SNX18: variants seen among roughly 807,000 people sequenced by gnomAD.
SNX18 encodes the protein sorting nexin 18, also known as sorting nexin-18.
A neutral mutation model predicts 48.7 loss-of-function variants in SNX18; 35 were observed. That is an observed-to-expected ratio of 0.72 (90% CI 0.55 to 0.95). The LOEUF (loss-of-function observed/expected upper bound fraction) is 0.95. Among genes scored for constraint, SNX18 ranks in the 40% least tolerant of loss-of-function variants. The pLI is 0.00. For missense variants in SNX18, 824 were observed against 871.0 expected, an observed-to-expected ratio of 0.95 and a Z score of 0.68; for synonymous variants, 492 against 384.7, an observed-to-expected ratio of 1.28 and a Z score of -3.26.
chr5:54,564,728 C>T, the SNX18 span, among the ~76,000 whole-genome samples: 1 of 151,736 alleles, frequency 6.6e-6, no homozygotes. Context: ...TGCGGTGGTA[C>T]GTGCCTGTAG....
the SNX18 span, among the ~76,000 whole-genome samples, chr5:54,602,490 G>A: frequency 6.6e-6 from 1 of 152,164 alleles, no homozygotes; most frequent in Non-Finnish European, 1.5e-5. Context: ...GGACGTTAGC[G>A]GTGGCAGAGA....
downstream of SNX18, among the ~76,000 whole-genome samples, chr5:54,547,697 T>C (rs2548644): frequency 0.21 from 32,067 of 152,150 alleles, 3,849 homozygotes; most frequent in East Asian, 0.46. Flanking sequence ...TCCAGTATTG[T>C]TATGAAGAGT....
At chr5:54,536,164 A>T (rs1339448120) in intron 1 of SNX18, among the ~76,000 whole-genome samples, 1 of 152,126 alleles carries the variant, frequency 6.6e-6, no homozygotes, top group African/African-American at 2.4e-5. Context: ...GTTCGGTATC[A>T]CTGTATTGGG....
the SNX18 span, among the ~76,000 whole-genome samples, chr5:54,637,593 C>A: frequency 6.6e-6 from 1 of 152,100 alleles, no homozygotes; most frequent in Non-Finnish European, 1.5e-5. Flanking sequence ...TACTAGGTAA[C>A]AGGTTTCAAC....
the SNX18 span, among the ~76,000 whole-genome samples, chr5:54,597,667 A>C: frequency 6.6e-6 from 1 of 152,242 alleles, no homozygotes; most frequent in Non-Finnish European, 1.5e-5. Context: ...ATTAAGGTGG[A>C]AATTAAGAAG....
At chr5:54,597,525 T>C in the SNX18 span, among the ~76,000 whole-genome samples, 1 of 152,008 alleles carries the variant, frequency 6.6e-6, no homozygotes, top group African/African-American at 2.4e-5. Context: ...TGCAAAAGAC[T>C]GAAACCATAA....
At chr5:54,539,928 A>G (rs1356424457) in intron 1 of SNX18, among the ~76,000 whole-genome samples, 1 of 151,632 alleles carries the variant, frequency 6.6e-6, no homozygotes, top group Non-Finnish European at 1.5e-5. Flanking sequence ...CTGGAGTGCA[A>G]TGGTGCGATT....
the SNX18 span, among the ~76,000 whole-genome samples, chr5:54,625,932 A>C: frequency 5.3e-5 from 8 of 152,182 alleles, no homozygotes; most frequent in African/African-American, 1.9e-4. Flanking sequence ...AGCACCTTGA[A>C]AATAAGAGCA....
At chr5:54,521,735 C>A (rs755713408) in intron 1 of SNX18, among the ~76,000 whole-genome samples, 1 of 152,032 alleles carries the variant, frequency 6.6e-6, no homozygotes, top group Non-Finnish European at 1.5e-5. Context: ...TTATTTACTT[C>A]TTTATTTATT....
At position 54,518,564 on chromosome 5, in the gene SNX18, T is replaced by A. The variant is rs2548614; in HGVS notation, c.612T>A (p.Gly204=). The change falls in exon 1 of 2, where the codon GGT becomes GGA. Residue 204 remains glycine, a synonymous_variant. Coordinates refer to ENST00000381410, the MANE Select transcript of SNX18 (RefSeq NM_001102575.2). The part of the protein sequence containing the change: ...RLSTRSDLSL[G]SRGGSVPPQH... ...CCACGCGCTCCGACCTGTCCCTGGG[T>A]TCCCGCGGCGGCTCGGTCCCCCCGC... The A allele has an allele frequency of 6.3e-7, 1 of 1,583,866 alleles. No homozygotes were observed. The highest frequency in any genetic ancestry group is 8.6e-7 in the Non-Finnish European group (1 of 1,166,010).
chr5:54,557,579 T>C, the SNX18 span, among the ~76,000 whole-genome samples: 109,257 of 152,022 alleles, frequency 0.72, 39,928 homozygotes, highest in Non-Finnish European at 0.79. Context: ...GTCAAATTCA[T>C]AGAGACAGAA....
the SNX18 span, among the ~76,000 whole-genome samples, chr5:54,562,016 A>T: frequency 6.6e-6 from 1 of 152,202 alleles, no homozygotes; most frequent in Admixed American, 6.5e-5. Context: ...TGATAAAATT[A>T]ATATATGATA....
rs1390940157 is a variant in SNX18 at position 54,545,269 on chromosome 5, A to T, written c.*1837A>T. 6.6e-6 allele frequency: 1 copy of T among 152,224 alleles called. No individual in the cohort carries two copies. Among genetic ancestry groups the T allele is most frequent in the Non-Finnish European group, 1.5e-5 (1 of 68,030 alleles). The allele number at this position is 152,224 out of a possible 1,614,324, so 9.4% of individuals were successfully genotyped here. ...TTCTATAAACAAAACCCATATGTAT[A>T]TATAAATGTTAATTTTGCGGAAGTC... is the stretch of plus-strand genomic sequence containing the variant. On this transcript the variant is annotated 3_prime_UTR_variant, in exon 2 of 2. Transcript: ENST00000381410.
At chr5:54,556,969 C>A in the SNX18 span, among the ~76,000 whole-genome samples, 3 of 152,178 alleles carry the variant, frequency 2.0e-5, no homozygotes, top group Admixed American at 2.0e-4. Context: ...TCAAAGGACA[C>A]AAGCAGCATT....
At chr5:54,624,411 C>T in the SNX18 span, among the ~76,000 whole-genome samples, 1 of 152,156 alleles carries the variant, frequency 6.6e-6, no homozygotes, top group East Asian at 1.9e-4. Context: ...AGATATTTTA[C>T]AGGGATTTTA....
In SNX18 at chr5:54,519,390, CTGGACCAGCAGG is replaced by C. The variant is rs1030498979; in HGVS notation, c.1439_1450del (p.Leu480_Ala484delinsPro). ...CCGCGGCCTCAGCCAGGCCTTTGAGCTGGACCAGCAGGCCTTCTCGGTGGGCCTGAACCAGGC... is the reference window on the plus strand; with the variant it reads ...CCGCGGCCTCAGCCAGGCCTTTGAGCCCTTCTCGGTGGGCCTGAACCAGGC... On this transcript the variant is annotated inframe_deletion, in exon 1 of 2. Coordinates refer to ENST00000381410, the MANE Select transcript of SNX18 (RefSeq NM_001102575.2). 1 of 1,613,686 alleles carries C rather than the reference CTGGACCAGCAGG, an allele frequency of 6.2e-7. No homozygotes were observed. Among genetic ancestry groups the C allele is most frequent in the Non-Finnish European group, 8.5e-7 (1 of 1,179,846 alleles).
chr5:54,620,329 A>G, the SNX18 span, among the ~76,000 whole-genome samples: 1 of 152,130 alleles, frequency 6.6e-6, no homozygotes, highest in Non-Finnish European at 1.5e-5. Context: ...AGAACCTGGA[A>G]GGAGAGTCAC....
the SNX18 span, among the ~76,000 whole-genome samples, chr5:54,575,390 T>TTTTTA: frequency 8.3e-6 from 1 of 121,014 alleles, no homozygotes; most frequent in African/African-American, 3.4e-5. Flanking sequence ...TTTTTTTTTT[T>TTTTTA]GAGACACAGT....
At chr5:54,643,171 A>G in the SNX18 span, among the ~76,000 whole-genome samples, 7 of 152,178 alleles carry the variant, frequency 4.6e-5, no homozygotes, top group African/African-American at 9.7e-5. Context: ...ATATGGGCTC[A>G]GTTACACCAA....
Sources: allele counts gnomAD v4.1 joint callset (sites outside exome capture counted in the v4.1 genomes callset), GRCh38; gene constraint gnomAD v4.1.1; transcripts MANE v1.5; gene names NCBI Gene and HGNC (gene_info 2026-07-23, HGNC 2026-07-21).